KIF4A: variants seen among roughly 807,000 people sequenced by gnomAD.
KIF4A encodes kinesin family member 4A, also known as chromosome-associated kinesin KIF4A.
Under a neutral mutation model 105.9 loss-of-function variants are expected in KIF4A, and 7 were observed. That is an observed-to-expected ratio of 0.07 (90% CI 0.04 to 0.12). KIF4A has a LOEUF of 0.12. KIF4A is among the 10% of genes least tolerant of loss of function. KIF4A has a pLI of 1.00. For missense variants in KIF4A, 558 were observed against 929.2 expected, an observed-to-expected ratio of 0.60 and a Z score of 5.19; for synonymous variants, 281 against 331.3, an observed-to-expected ratio of 0.85 and a Z score of 1.65.
intron 7 of KIF4A, among the ~76,000 whole-genome samples, chrX:70,313,596 A>G (rs766464444): frequency 4.5e-5 from 5 of 111,633 alleles, no homozygotes; most frequent in South Asian, 3.7e-4. Context: ...CGAATCCACT[A>G]CCTTCAAGTC....
chrX:70,318,920 C>T lies in KIF4A; in HGVS notation c.779-10485C>T, dbSNP rs180888974. On this transcript the variant is annotated intron_variant, in intron 7 of 30. Transcript: ENST00000374403. ...ACCCTGTGTGTTTTGCACATATCTT[C>T]TCCCTCCTCTCTGGCTTGTGTTTTT... 5.4e-5 allele frequency among the ~76,000 whole-genome samples: 6 copies of T among 112,127 alleles called. No individual in the cohort carries two copies. The East Asian group carries it at 1.7e-3, about 31-fold the overall frequency.
At chrX:70,369,279 C>T (rs1411370103) in intron 15 of KIF4A, among the ~76,000 whole-genome samples, 1 of 112,160 alleles carries the variant, frequency 8.9e-6, no homozygotes, top group African/African-American at 3.2e-5. Flanking sequence ...CTGACAATCC[C>T]CAGTGAGACG....
chrX:70,299,172 T>C lies in KIF4A; in HGVS notation c.486T>C (p.Asn162=). 8.3e-7 allele frequency: 1 copy of C among 1,206,712 alleles called. No homozygotes were observed. Among genetic ancestry groups the C allele is most frequent in the Non-Finnish European group, 1.1e-6 (1 of 892,595 alleles). ...LCPSREKAQI[N]IREDPKEGIK... ...CATCTCGTGAGAAAGCTCAAATAAATATACGAGAGGATCCTAAGGAAGGCA... is the reference window on the plus strand; with the variant it reads ...CATCTCGTGAGAAAGCTCAAATAAACATACGAGAGGATCCTAAGGAAGGCA... Residue 162 remains asparagine (N), a synonymous_variant, in exon 5 of 31, where the codon AAT becomes AAC. Coordinates refer to ENST00000374403, the MANE Select transcript of KIF4A (RefSeq NM_012310.5).
Position 70,394,477 on chromosome X carries a change from C to T in KIF4A, c.2233-1194C>T, listed in dbSNP as rs183683727. 3.5e-3 allele frequency among the ~76,000 whole-genome samples: 393 copies of T among 111,590 alleles called. 2 individuals are homozygous for T. Among genetic ancestry groups the T allele is most frequent in the African/African-American group, 0.012 (371 of 30,725 alleles). On this transcript the variant is annotated intron_variant, in intron 20 of 30. Transcript: ENST00000374403. ...AAGTGCTGGGACTACAGGTGTGAGCCACTGTGCCCAGCCATGTCTAGCTTT... is the reference window on the plus strand; with the variant it reads ...AAGTGCTGGGACTACAGGTGTGAGCTACTGTGCCCAGCCATGTCTAGCTTT...
intron 28 of KIF4A, among the ~76,000 whole-genome samples, chrX:70,411,756 C>G (rs973849143): frequency 4.5e-5 from 5 of 110,816 alleles, no homozygotes; most frequent in Non-Finnish European, 9.4e-5. Context: ...TTTCCACTCT[C>G]TACAAAGAAT....
At chrX:70,353,042 T>C (rs930452332) in intron 14 of KIF4A, among the ~76,000 whole-genome samples, 2 of 112,207 alleles carry the variant, frequency 1.8e-5, no homozygotes, top group African/African-American at 6.5e-5. Context: ...ATTTTTTCTA[T>C]GGATGAGATA....
At chrX:70,325,480 G>A (rs200841023) in intron 7 of KIF4A, among the ~76,000 whole-genome samples, 4 of 110,916 alleles carry the variant, frequency 3.6e-5, no homozygotes, top group East Asian at 2.8e-4. Context: ...ATTTTGCCAC[G>A]TTGCCCACAC....
chrX:70,396,946 A>G (rs1427441604), intron 22 of KIF4A, among the ~76,000 whole-genome samples: 4 of 111,117 alleles, frequency 3.6e-5, no homozygotes, highest in African/African-American at 1.3e-4. Flanking sequence ...GGTGGCAGGC[A>G]CCTGTAATCC....
intron 16 of KIF4A, among the ~76,000 whole-genome samples, chrX:70,374,714 G>C (rs1200502553): frequency 8.9e-6 from 1 of 111,772 alleles, no homozygotes; most frequent in African/African-American, 3.3e-5. Flanking sequence ...TCTCTTACCA[G>C]TTAAGAATAA....
chrX:70,420,332 GT>G lies in KIF4A; in HGVS notation c.*73del. The stretch of plus-strand genomic sequence containing the variant: ...TGCTTTCAGGTTGCAGCCAGAAGGG[GT>G]TTTTTAAATGACTTCTCTGGATTTC... On this transcript the variant is annotated 3_prime_UTR_variant, in exon 31 of 31. Transcript: ENST00000374403. 3 of 1,112,254 alleles carry G rather than the reference GT, an allele frequency of 2.7e-6. No homozygotes were observed. The East Asian group carries it at 9.3e-5, about 34-fold the overall frequency. 91.7% of individuals were successfully genotyped at this position (1,112,254 alleles called of 1,213,427 possible).
chrX:70,410,399 A>G (rs914574993), intron 28 of KIF4A, among the ~76,000 whole-genome samples: 6 of 111,782 alleles, frequency 5.4e-5, no homozygotes, highest in Non-Finnish European at 9.4e-5. Context: ...GTCATGTGCT[A>G]TCATAGAAAA....
At chrX:70,347,868 G>T (rs1171433172) in intron 13 of KIF4A, among the ~76,000 whole-genome samples, 1 of 92,808 alleles carries the variant, frequency 1.1e-5, no homozygotes, top group Non-Finnish European at 2.1e-5. Context: ...CCAGCTACTC[G>T]GGAGGCTGAG....
intron 5 of KIF4A, 61 bp from the exon 6 acceptor site, chrX:70,301,839 T>C (rs1410700564): frequency 3.2e-5 from 37 of 1,155,632 alleles, no homozygotes; most frequent in Non-Finnish European, 1.2e-6. Flanking sequence ...CCAATCCCTA[T>C]ATTTCTGACC....
chrX:70,367,955 T>A (rs985192960), intron 15 of KIF4A, among the ~76,000 whole-genome samples: 2 of 111,960 alleles, frequency 1.8e-5, no homozygotes, highest in Non-Finnish European at 3.8e-5. Context: ...CATTTCTTTT[T>A]ATTCTTTTTT....
At chrX:70,381,643 A>G (rs1009196506) in intron 18 of KIF4A, among the ~76,000 whole-genome samples, 1 of 112,501 alleles carries the variant, frequency 8.9e-6, no homozygotes, top group Middle Eastern at 4.2e-3. Context: ...TGTATACTTG[A>G]AAACTACTGA....
chrX:70,299,335 TC>T, intron 5 of KIF4A, 133 bp downstream of exon 5: 1 of 447,968 alleles, frequency 2.2e-6, no homozygotes, highest in Admixed American at 4.8e-5. Flanking sequence ...TGGTCCTAAG[TC>T]CCTTTGTTAA....
intron 7 of KIF4A, among the ~76,000 whole-genome samples, chrX:70,326,529 A>G: frequency 8.9e-6 from 1 of 112,184 alleles, no homozygotes; most frequent in Non-Finnish European, 1.9e-5. Context: ...CCTCCATGAT[A>G]GCTGTGAAGT....
chrX:70,373,307 A>C (rs1342667236), intron 15 of KIF4A, among the ~76,000 whole-genome samples: 2 of 92,124 alleles, frequency 2.2e-5, no homozygotes, highest in Non-Finnish European at 4.3e-5. Flanking sequence ...GGAGGGGGAG[A>C]ACGGGGAGGG....
At chrX:70,389,659 C>A (rs1429285149) in intron 20 of KIF4A, among the ~76,000 whole-genome samples, 1 of 112,545 alleles carries the variant, frequency 8.9e-6, no homozygotes, top group African/African-American at 3.2e-5. Flanking sequence ...TTTACATTTA[C>A]GTCTTTGATT....
Sources: gnomAD v4.1 joint callset for allele counts (sites outside exome capture counted in the v4.1 genomes callset) on GRCh38, gnomAD v4.1.1 for gene constraint, MANE v1.5 for transcripts, NCBI Gene and HGNC (gene_info 2026-07-23, HGNC 2026-07-21) for gene names.